Variants in KATNAL2 observed in about 807,000 individuals in gnomAD.
KATNAL2 encodes the protein katanin p60 ATPase-containing subunit A-like 2.
Under a neutral mutation model 76.3 loss-of-function variants are expected in KATNAL2, and 52 were observed. The ratio of observed to expected loss-of-function variants is 0.68; its 90% CI spans 0.55 to 0.86. The LOEUF (loss-of-function observed/expected upper bound fraction) is 0.86, where lower values mean the gene tolerates loss of function less well. Among genes scored for constraint, KATNAL2 ranks in the 40% least tolerant of loss-of-function variants. The pLI is 0.00. For synonymous variants in KATNAL2, 243 were observed against 244.2 expected (o/e 1.00, Z 0.05); for missense variants, 660 against 668.9 (o/e 0.99, Z 0.15).
intron 3 of KATNAL2, chr18:47,035,021 T>A (rs764927828): frequency 6.2e-7 from 1 of 1,611,660 alleles, no homozygotes; most frequent in South Asian, 1.1e-5. Flanking sequence ...GGCCGGGTGT[T>A]TCGGTCCACG....
chr18:47,097,338 G>A (rs533684721), intron 15 of KATNAL2, among the ~76,000 whole-genome samples: 3 of 152,172 alleles, frequency 2.0e-5, no homozygotes, highest in South Asian at 4.1e-4. Flanking sequence ...TCTTTACAAC[G>A]GAGAGTTCCA....
Position 46,962,148 on chromosome 18 carries a change from G to T in KATNAL2, c.51+15225G>T, listed in dbSNP as rs112128207. 3.7e-5 allele frequency among the ~76,000 whole-genome samples: 5 copies of T among 136,102 alleles called. 1 individual carries two copies. The highest frequency in any genetic ancestry group is 1.6e-4 in the African/African-American group (5 of 30,510). The allele number at this position is 136,102 out of a possible 152,430, so 89.3% of individuals were successfully genotyped here. ...CTAAGAAGCTGGGACCACAGGGGCC[G>T]TGCCACCACGCCGGGCTCATTTTGG... On this transcript the variant is annotated intron_variant, in intron 3 of 17. Coordinates refer to ENST00000683218, the MANE Select transcript of KATNAL2 (RefSeq NM_001387690.1).
rs1489553549 is a variant in KATNAL2 at position 47,067,010 on chromosome 18, G to A, written c.727-11G>A. 1.1e-5 allele frequency: 16 copies of A among 1,519,116 alleles called. No homozygotes were observed. Among genetic ancestry groups the A allele is most frequent in the Non-Finnish European group, 1.2e-5 (13 of 1,103,586 alleles). 94.1% of individuals were successfully genotyped at this position (1,519,116 alleles called of 1,614,324 possible). A position where few individuals can be genotyped will look rare whatever the true frequency, so the allele number is the denominator to read the frequency against. On this transcript the variant is annotated splice_polypyrimidine_tract_variant and intron_variant, in intron 10 of 17. Transcript: ENST00000683218. ...ATCAGTTTTAAAAAAATGATCAAAT[G>A]TGCATTGCAGGACATTTATCTCCAT... is the stretch of plus-strand genomic sequence containing the variant.
At chr18:47,038,584 A>AT (rs1319584299) in intron 3 of KATNAL2, among the ~76,000 whole-genome samples, 1 of 152,128 alleles carries the variant, frequency 6.6e-6, no homozygotes, top group Admixed American at 6.5e-5. Context: ...TCTTTGATAG[A>AT]TTTTGTCAAT....
chr18:46,961,240 T>A (rs2059934860), intron 3 of KATNAL2, among the ~76,000 whole-genome samples: 1 of 152,048 alleles, frequency 6.6e-6, no homozygotes, highest in Non-Finnish European at 1.5e-5. Context: ...AACTTTTCGC[T>A]TTCTCCCTTT....
intron 13 of KATNAL2, among the ~76,000 whole-genome samples, chr18:47,070,282 TA>T (rs34339215): frequency 2.0e-5 from 3 of 151,212 alleles, no homozygotes; most frequent in East Asian, 1.9e-4. Flanking sequence ...GTATTTTTAG[TA>T]AAAAAAAGGG....
At chr18:47,090,077 C>T (rs766834960) in intron 15 of KATNAL2, among the ~76,000 whole-genome samples, 16 of 152,066 alleles carry the variant, frequency 1.1e-4, no homozygotes, top group Non-Finnish European at 1.9e-4. Context: ...GGATTACAGG[C>T]GTAAGCCACC....
At chr18:47,060,748 G>A (rs1199487891) in intron 8 of KATNAL2, among the ~76,000 whole-genome samples, 1 of 152,178 alleles carries the variant, frequency 6.6e-6, no homozygotes, top group African/African-American at 2.4e-5. Flanking sequence ...AAAATCAAGA[G>A]CAGTGACCTC....
chr18:47,102,056 A>G lies in KATNAL2; in HGVS notation c.*1051A>G, dbSNP rs1685916560. 1 of 152,156 alleles carries G rather than the reference A, an allele frequency of 6.6e-6. No individual in the cohort carries two copies. Among genetic ancestry groups the G allele is most frequent in the Non-Finnish European group, 1.5e-5 (1 of 68,020 alleles). 9.4% of individuals were successfully genotyped at this position (152,156 alleles called of 1,614,324 possible). On this transcript the variant is annotated 3_prime_UTR_variant, in exon 18 of 18. Coordinates refer to ENST00000683218, the MANE Select transcript of KATNAL2 (RefSeq NM_001387690.1). ...CTCTTCAAGAGGAAAAACCTCCAGA[A>G]AGAGACACTTTGGATAGCTAAGTAT...
intron 1 of KATNAL2, among the ~76,000 whole-genome samples, chr18:46,921,487 C>G (rs1267519565): frequency 6.6e-6 from 1 of 152,136 alleles, no homozygotes; most frequent in Non-Finnish European, 1.5e-5. Context: ...TTTCCATTTA[C>G]TAGCTGTGTA....
Position 46,917,634 on chromosome 18 carries a change from G to A in KATNAL2, c.-802G>A. 1.2e-6 allele frequency: 1 copy of A among 829,494 alleles called. No homozygotes were observed. The highest frequency in any genetic ancestry group is 1.5e-6 in the Non-Finnish European group (1 of 684,156). 51.4% of individuals were successfully genotyped at this position (829,494 alleles called of 1,614,324 possible). Reference sequence around the variant, plus strand: ...GCGGCGACAGCGCCCGCCCGCGCCTGCCCCGGCGTGCTGCCCCGCGGCTTG... The same window carrying A: ...GCGGCGACAGCGCCCGCCCGCGCCTACCCCGGCGTGCTGCCCCGCGGCTTG... On this transcript the variant is annotated 5_prime_UTR_variant, in exon 1 of 18. Transcript: ENST00000683218.
rs1445219182 is a variant in KATNAL2 at position 47,047,932 on chromosome 18, ACT to A, written c.122+1406_122+1407del. ...CTGTTGCTCAGGCTGGTCTTGAACT[ACT>A]AGCTTCAAGTGATCCTCCTGCCTCA... On this transcript the variant is annotated intron_variant, in intron 4 of 17. Coordinates refer to ENST00000683218, the MANE Select transcript of KATNAL2 (RefSeq NM_001387690.1). Among the ~76,000 whole-genome samples the A allele has an allele frequency of 2.0e-5, 3 of 152,266 alleles. No individual in the cohort carries two copies. In the East Asian group the frequency reaches 5.8e-4, roughly 29 times the overall value.
intron 10 of KATNAL2, among the ~76,000 whole-genome samples, chr18:47,065,187 C>T (rs937115955): frequency 6.6e-6 from 1 of 152,166 alleles, no homozygotes; most frequent in Admixed American, 6.5e-5. Context: ...AGACCAGATG[C>T]AGTGGCTCAC....
chr18:47,035,036 C>A (rs2060699692), intron 3 of KATNAL2: 1 of 1,611,838 alleles, frequency 6.2e-7, no homozygotes, highest in East Asian at 2.2e-5. Flanking sequence ...TCCACGAGCA[C>A]CAGCTTCTTC....
chr18:46,941,234 G>GC (rs1352540932), intron 1 of KATNAL2, among the ~76,000 whole-genome samples: 1 of 151,892 alleles, frequency 6.6e-6, no homozygotes, highest in Non-Finnish European at 1.5e-5. Context: ...GGGTAGGGGG[G>GC]CTGCTGAGGC....
intron 1 of KATNAL2, among the ~76,000 whole-genome samples, chr18:46,941,724 G>A (rs957133889): frequency 6.6e-6 from 1 of 152,114 alleles, no homozygotes; most frequent in African/African-American, 2.4e-5. Flanking sequence ...GCACACATTA[G>A]AATGCCTAAT....
chr18:46,943,783 C>T (rs138800504), intron 1 of KATNAL2, among the ~76,000 whole-genome samples: 9 of 152,312 alleles, frequency 5.9e-5, no homozygotes, highest in Admixed American at 2.6e-4. Flanking sequence ...CATCAGGACT[C>T]CTTTCTGTTA....
chr18:47,033,376 C>G, intron 3 of KATNAL2: 2 of 1,614,194 alleles, frequency 1.2e-6, no homozygotes, highest in Non-Finnish European at 1.7e-6. Flanking sequence ...GTTGTTTCCA[C>G]GTGCAGATCG....
intron 3 of KATNAL2, among the ~76,000 whole-genome samples, chr18:46,956,397 GTC>G (rs1459019847): frequency 5.3e-5 from 8 of 152,098 alleles, no homozygotes; most frequent in Non-Finnish European, 1.0e-4. Flanking sequence ...TGATACTACC[GTC>G]TCTTTGTTTC....
Sources: allele counts gnomAD v4.1 joint callset (sites outside exome capture counted in the v4.1 genomes callset), GRCh38; gene constraint gnomAD v4.1.1; transcripts MANE v1.5; gene names NCBI Gene and HGNC (gene_info 2026-07-23, HGNC 2026-07-21).